AUTS2: variants seen among roughly 807,000 people sequenced by gnomAD.
The protein encoded by AUTS2 is activator of transcription and developmental regulator AUTS2, also known as autism susceptibility gene 2 protein.
A neutral mutation model predicts 112.4 loss-of-function variants in AUTS2; 17 were observed. That is an observed-to-expected ratio of 0.15 (90% CI 0.10 to 0.23). The LOEUF is 0.23. Ranked by LOEUF, AUTS2 falls within the 10% of genes least tolerant of loss-of-function variation. The pLI is 1.00. For missense variants in AUTS2, 1,510 were observed against 1,701.6 expected, an observed-to-expected ratio of 0.89 and a Z score of 1.98; for synonymous variants, 751 against 702.7, an observed-to-expected ratio of 1.07 and a Z score of -1.09.
intron 5 of AUTS2, among the ~76,000 whole-genome samples, chr7:70,674,499 G>C (rs142801886): frequency 6.6e-6 from 1 of 152,318 alleles, no homozygotes; most frequent in African/African-American, 2.4e-5. Flanking sequence ...GAGCGAGGGA[G>C]TGAGGGTGGG....
chr7:70,558,736 A>T (rs144124021), intron 5 of AUTS2, among the ~76,000 whole-genome samples: 1 of 152,366 alleles, frequency 6.6e-6, no homozygotes, highest in African/African-American at 2.4e-5. Flanking sequence ...TATTCATCCT[A>T]TTTCCTTTCT....
At chr7:70,773,176 C>A (rs976236208) in intron 11 of AUTS2, among the ~76,000 whole-genome samples, 1 of 152,150 alleles carries the variant, frequency 6.6e-6, no homozygotes, top group Non-Finnish European at 1.5e-5. Flanking sequence ...TCTTTTCCCC[C>A]CCTTCTCCTT....
intron 1 of AUTS2, among the ~76,000 whole-genome samples, chr7:69,811,083 C>T (rs1790524802): frequency 6.6e-6 from 1 of 152,130 alleles, no homozygotes; most frequent in Admixed American, 6.5e-5. Context: ...AAGTTCTCAC[C>T]TTTCCTGGGG....
In AUTS2 at chr7:70,406,225, C is replaced by T. The variant is rs114455932; in HGVS notation, c.661-29527C>T. Among the ~76,000 whole-genome samples the T allele has an allele frequency of 4.2e-3, 646 of 152,294 alleles. 6 individuals are homozygous for T. The highest frequency in any genetic ancestry group is 0.015 in the African/African-American group (627 of 41,566). On this transcript the variant is annotated intron_variant, in intron 4 of 18. Transcript: ENST00000342771. ...TGCCACCCCCTTCCTTCCTTCTGTCCCTCCCTCCTCTCAGAGGACATGGGG... is the reference window on the plus strand; with the variant it reads ...TGCCACCCCCTTCCTTCCTTCTGTCTCTCCCTCCTCTCAGAGGACATGGGG...
At chr7:70,488,401 A>G (rs1254390020) in intron 5 of AUTS2, among the ~76,000 whole-genome samples, 1 of 152,064 alleles carries the variant, frequency 6.6e-6, no homozygotes, top group Non-Finnish European at 1.5e-5. Flanking sequence ...GTGAAGGGTA[A>G]TCCCCCCAGT....
chr7:69,902,957 G>T (rs895750445), intron 2 of AUTS2, among the ~76,000 whole-genome samples: 4 of 151,988 alleles, frequency 2.6e-5, no homozygotes, highest in Non-Finnish European at 5.9e-5. Flanking sequence ...CTTCCCAAAG[G>T]GGTTAAAATT....
chr7:69,990,940 G>A (rs1230699381), intron 2 of AUTS2, among the ~76,000 whole-genome samples: 1 of 152,172 alleles, frequency 6.6e-6, no homozygotes, highest in East Asian at 1.9e-4. Context: ...AATCTCTGTG[G>A]TTTAAGGCTG....
At chr7:69,899,633 T>A in intron 2 of AUTS2, 135 bp downstream of exon 2, 1 of 781,540 alleles carries the variant, frequency 1.3e-6, no homozygotes, top group Non-Finnish European at 2.0e-6. Context: ...AACAAAGCTG[T>A]GTGCGTGCCT....
intron 4 of AUTS2, among the ~76,000 whole-genome samples, chr7:70,238,806 A>G (rs141768607): frequency 6.6e-6 from 1 of 152,086 alleles, no homozygotes; most frequent in African/African-American, 2.4e-5. Flanking sequence ...GAAACAAGAT[A>G]TGCGTGCACT....
chr7:70,532,208 A>G lies in AUTS2; in HGVS notation c.690+96427A>G, dbSNP rs1800125348. Among the ~76,000 whole-genome samples the G allele has an allele frequency of 2.6e-5, 4 of 152,192 alleles. No individual in the cohort carries two copies. In the South Asian group the frequency reaches 8.3e-4, roughly 32 times the overall value. On this transcript the variant is annotated intron_variant, in intron 5 of 18. Coordinates refer to ENST00000342771, the MANE Select transcript of AUTS2 (RefSeq NM_015570.4). ...AGCTTCAGCTTGTATCGCGTTGCTG[A>G]TGAGCCACTGGCCAATGCAAGTCAC...
At chr7:70,507,373 T>A (rs2116719869) in intron 5 of AUTS2, among the ~76,000 whole-genome samples, 1 of 151,664 alleles carries the variant, frequency 6.6e-6, no homozygotes, top group South Asian at 2.1e-4. Flanking sequence ...TCTACAAAAA[T>A]TTTTAAAATT....
Position 70,474,261 on chromosome 7 carries a change from A to G in AUTS2, c.690+38480A>G, listed in dbSNP as rs185892235. Among the ~76,000 whole-genome samples, 470 of 152,308 alleles carry G rather than the reference A, an allele frequency of 3.1e-3. 1 individual carries two copies. Among genetic ancestry groups the G allele is most frequent in the Non-Finnish European group, 5.6e-3 (382 of 68,004 alleles). On this transcript the variant is annotated intron_variant, in intron 5 of 18. Coordinates refer to ENST00000342771, the MANE Select transcript of AUTS2 (RefSeq NM_015570.4). ...TTAGGTAATCTGACTCACAAGATGA[A>G]GTTTACTCGCTTTCATTGTGGTGCC...
At chr7:70,090,809 G>T (rs1803875554) in intron 2 of AUTS2, among the ~76,000 whole-genome samples, 1 of 151,672 alleles carries the variant, frequency 6.6e-6, no homozygotes, top group African/African-American at 2.4e-5. Flanking sequence ...CTCCTGAGCA[G>T]CTGGGACTAC....
At chr7:70,709,641 G>T (rs1809940349) in intron 6 of AUTS2, among the ~76,000 whole-genome samples, 1 of 152,208 alleles carries the variant, frequency 6.6e-6, no homozygotes, top group Admixed American at 6.5e-5. Flanking sequence ...AGCCCAGGAG[G>T]TGGAGGTTGC....
intron 4 of AUTS2, among the ~76,000 whole-genome samples, chr7:70,375,847 C>T (rs1793060788): frequency 6.6e-6 from 1 of 152,204 alleles, no homozygotes; most frequent in South Asian, 2.1e-4. Context: ...TGCCAAGCTT[C>T]TACTTGCAAC....
chr7:69,824,209 C>T (rs751715394), intron 1 of AUTS2, among the ~76,000 whole-genome samples: 43 of 151,886 alleles, frequency 2.8e-4, no homozygotes, highest in Non-Finnish European at 5.0e-4. Context: ...GTCAGGAGTT[C>T]GAGACCATCC....
At chr7:70,003,772 T>C (rs1799369926) in intron 2 of AUTS2, among the ~76,000 whole-genome samples, 1 of 126,020 alleles carries the variant, frequency 7.9e-6, no homozygotes, top group Non-Finnish European at 1.6e-5. Flanking sequence ...ATATATAATA[T>C]ATATGAATGT....
chr7:70,572,659 A>G (rs1801995920), intron 5 of AUTS2, among the ~76,000 whole-genome samples: 1 of 152,162 alleles, frequency 6.6e-6, no homozygotes. Context: ...AATTCCTATT[A>G]TGTAAGAAAG....
chr7:69,754,916 C>T (rs1373571538), intron 1 of AUTS2, among the ~76,000 whole-genome samples: 1 of 152,166 alleles, frequency 6.6e-6, no homozygotes, highest in Non-Finnish European at 1.5e-5. Flanking sequence ...CCTTTCTGTT[C>T]GCATTACACC....
Sources: allele counts gnomAD v4.1 joint callset (sites outside exome capture counted in the v4.1 genomes callset), GRCh38; gene constraint gnomAD v4.1.1; transcripts MANE v1.5; gene names NCBI Gene and HGNC (gene_info 2026-07-23, HGNC 2026-07-21).